Variants in MYBPC3 observed in about 807,000 individuals in gnomAD.
MYBPC3 encodes the protein myosin binding protein C3.
A neutral mutation model predicts 159.3 loss-of-function variants in MYBPC3; 108 were observed. The observed-to-expected ratio is 0.68, with a 90% CI of 0.58 to 0.80. MYBPC3 has a LOEUF of 0.80. Ranked by LOEUF, MYBPC3 falls within the 30% of genes least tolerant of loss-of-function variation. MYBPC3 has a pLI of 0.00. For synonymous variants in MYBPC3, 730 were observed against 702.0 expected, an observed-to-expected ratio of 1.04 and a Z score of -0.63; for missense variants, 1,631 against 1,762.1, an observed-to-expected ratio of 0.93 and a Z score of 1.33.
intron 5 of MYBPC3, 27 bp from the exon 6 acceptor site, chr11:47,348,568 A>AG: frequency 6.4e-7 from 1 of 1,552,626 alleles, no homozygotes; most frequent in Non-Finnish European, 8.8e-7. Flanking sequence ...ACGGGGCGTC[A>AG]GGGGACACCA....
rs1256242917 is a variant in MYBPC3, at chr11:47,346,656, G to T, written c.909-12C>A. 3.8e-6 allele frequency: 6 copies of T among 1,597,884 alleles called. No individual in the cohort carries two copies. The highest frequency in any genetic ancestry group is 5.1e-6 in the Non-Finnish European group (6 of 1,170,646). On this transcript the variant is annotated splice_polypyrimidine_tract_variant and intron_variant, in intron 10 of 34. Coordinates refer to ENST00000545968, the MANE Select transcript of MYBPC3 (RefSeq NM_000256.3). The surrounding 1 kb of genome is among the most constrained non-coding windows in gnomAD (Gnocchi z 5.3). ...GGGTCCGGAAACTGCTGCTCCAGGG[G>T]TGGGGGTGGGAGAAAGGGTAGGTGG...
At position 47,346,674 on chromosome 11, in the gene MYBPC3, G is replaced by A; in HGVS notation, c.909-30C>T. The A allele has an allele frequency of 6.3e-7, 1 of 1,596,030 alleles. No individual in the cohort carries two copies. Among genetic ancestry groups the A allele is most frequent in the Non-Finnish European group, 8.5e-7 (1 of 1,170,436 alleles). On this transcript the variant is annotated intron_variant, in intron 10 of 34. Transcript: ENST00000545968. This position sits in a 1 kb window ranked among gnomAD's most constrained non-coding sequence, Gnocchi z 5.3. The stretch of plus-strand genomic sequence containing the variant: ...TCCAGGGGTGGGGGTGGGAGAAAGG[G>A]TAGGTGGCACATGAGAGGTATGGCC...
chr11:47,340,601 A>G (rs2095887504), intron 20 of MYBPC3, among the ~76,000 whole-genome samples: 1 of 152,182 alleles, frequency 6.6e-6, no homozygotes, highest in Admixed American at 6.5e-5. Context: ...TGGGAGGCGG[A>G]GCTTGCAGTG....
At position 47,331,639 on chromosome 11, in the gene MYBPC3, CACAT is replaced by C. The variant is rs1318556469; in HGVS notation, c.*100_*103del. On this transcript the variant is annotated 3_prime_UTR_variant, in exon 35 of 35. Transcript: ENST00000545968. ...CGCAGCACAGGAGACACACTTGTCACACATACATCCAACAGTAGGGAGGGGTTTC... is the reference window on the plus strand; with the variant it reads ...CGCAGCACAGGAGACACACTTGTCACACATCCAACAGTAGGGAGGGGTTTC... 2 of 582,056 alleles carry C rather than the reference CACAT, an allele frequency of 3.4e-6. No individual in the cohort carries two copies. Among genetic ancestry groups the C allele is most frequent in the South Asian group, 2.2e-5 (1 of 46,376 alleles). The allele number at this position is 582,056 out of a possible 1,614,324, so 36.1% of individuals were successfully genotyped here.
rs201012766 is a variant in MYBPC3, at chr11:47,349,898, C to T, written c.530G>A (p.Arg177His). Residue 177 changes from arginine (R) to histidine (H), a missense_variant, in exon 5 of 35, where the codon CGC becomes CAC. Transcript: ENST00000545968. ...TVGGSITFSARVAGASLLKPP... is the reference protein window; with the variant it reads ...TVGGSITFSAHVAGASLLKPP... ...CTTCAGGAGGCTGGCGCCGGCCACG[C>T]GGGCTGAGAAGGTGATGCTGCCACC... 1,110 of 1,608,286 alleles carry T rather than the reference C, an allele frequency of 6.9e-4. 8 individuals carry two copies. In the African/African-American group the frequency reaches 0.013, roughly 19 times the overall value.
At chr11:47,343,182 C>T (rs2095890859) in intron 14 of MYBPC3, 37 bp from the exon 15 acceptor site, 9 of 1,601,212 alleles carry the variant, frequency 5.6e-6, no homozygotes, top group Non-Finnish European at 7.7e-6. Flanking sequence ...AGGAAAGCTG[C>T]GGACACCCCT....
At chr11:47,347,509 A>T (rs1282727777) in intron 8 of MYBPC3, 30 bp from the exon 9 acceptor site, 1 of 1,588,490 alleles carries the variant, frequency 6.3e-7, no homozygotes, top group African/African-American at 1.3e-5. Context: ...GTGAGGCTGC[A>T]GTGAGGGACT....
rs78327101 is a variant in MYBPC3 at position 47,351,659 on chromosome 11, A to T, written c.26-154T>A. 6.6e-6 allele frequency among the ~76,000 whole-genome samples: 1 copy of T among 152,112 alleles called. No individual in the cohort carries two copies. The highest frequency in any genetic ancestry group is 1.5e-5 in the Non-Finnish European group (1 of 68,028). ...TGAGGTAGTTGCAGTTATTCTGTTC[A>T]TTTCTCAGAGGAGGACACTGAGGCT... is the stretch of plus-strand genomic sequence containing the variant. On this transcript the variant is annotated intron_variant, in intron 1 of 34. Transcript: ENST00000545968. This position sits in a 1 kb window ranked among gnomAD's most constrained non-coding sequence, Gnocchi z 4.2.
chr11:47,347,782 G>A (rs2095895848), intron 7 of MYBPC3, 75 bp downstream of exon 7: 2 of 1,546,654 alleles, frequency 1.3e-6, no homozygotes, highest in East Asian at 4.9e-5. Context: ...CCCCAGCCCT[G>A]ACCCCCAGTC....
chr11:47,339,930 T>C, intron 20 of MYBPC3, 140 bp from the exon 21 acceptor site: 1 of 895,510 alleles, frequency 1.1e-6, no homozygotes, highest in East Asian at 2.6e-5. Flanking sequence ...TGCTCAGATC[T>C]GACAGTAGGC....
chr11:47,338,677 C>A lies in MYBPC3; in HGVS notation c.2151G>T (p.Leu717=). The A allele has an allele frequency of 2.5e-6, 4 of 1,609,684 alleles. No homozygotes were observed. The highest frequency in any genetic ancestry group is 3.4e-6 in the Non-Finnish European group (4 of 1,177,744). The change falls in exon 23 of 35, where the codon CTG becomes CTT. Residue 717 remains leucine, a splice_region_variant and synonymous_variant. Transcript: ENST00000545968. This position sits in a 1 kb window ranked among gnomAD's most constrained non-coding sequence, Gnocchi z 4.7. ...DSDEWVFDKK[L]LCETEGRVRV... is the part of the protein sequence containing the mutation. ...GGACCCGGCCCTCGGTCTCACACAG[C>A]AGCTGGGGGGGTGCAGAGTTGGGGT...
intron 7 of MYBPC3, 74 bp downstream of exon 7, chr11:47,347,783 A>AC (rs2095895850): frequency 5.8e-6 from 9 of 1,546,032 alleles, no homozygotes; most frequent in African/African-American, 1.4e-5. Flanking sequence ...CCCAGCCCTG[A>AC]CCCCCAGTCG....
Position 47,348,531 on chromosome 11 carries a change from A to G in MYBPC3, c.665T>C (p.Phe222Ser). Residue 222 changes from phenylalanine to serine, a missense_variant, in exon 6 of 35, where the codon TTC becomes TCC. By Grantham distance (155) the Phe-to-Ser change is radical. Coordinates refer to ENST00000545968, the MANE Select transcript of MYBPC3 (RefSeq NM_000256.3). Reference protein sequence around the residue: ...SYDRASKVYLFELHITDAQPA... With the variant: ...SYDRASKVYLSELHITDAQPA... Reference sequence around the variant, plus strand: ...CTGGGCATCGGTGATGTGCAGCTCGAACAGATAGACCTGTGTGCATGGAGG... The same window carrying G: ...CTGGGCATCGGTGATGTGCAGCTCGGACAGATAGACCTGTGTGCATGGAGG... The G allele has an allele frequency of 6.2e-7, 1 of 1,612,408 alleles. No homozygotes were observed. Among genetic ancestry groups the G allele is most frequent in the Non-Finnish European group, 8.5e-7 (1 of 1,179,150 alleles).
Position 47,352,618 on chromosome 11 carries a change from G to A in MYBPC3, c.25+5C>T, listed in dbSNP as rs2095901957. 3.8e-6 allele frequency: 6 copies of A among 1,599,506 alleles called. 1 individual carries two copies. In the East Asian group the frequency reaches 1.4e-4, roughly 37 times the overall value. On this transcript the variant is annotated splice_donor_5th_base_variant and intron_variant, in intron 1 of 34. Transcript: ENST00000545968. ...ACTTAGACCCAACCCCAGTCCTAAAGCTACCTGGCTTCTTCCCCGGCTCAG... is the reference window on the plus strand; with the variant it reads ...ACTTAGACCCAACCCCAGTCCTAAAACTACCTGGCTTCTTCCCCGGCTCAG...
chr11:47,350,069 G>T lies in MYBPC3; in HGVS notation c.450C>A (p.Pro150=). 6.4e-7 allele frequency: 1 copy of T among 1,561,618 alleles called. No homozygotes were observed. Among genetic ancestry groups the T allele is most frequent in the Non-Finnish European group, 8.7e-7 (1 of 1,152,522 alleles). Residue 150 remains proline (P), a synonymous_variant, in exon 4 of 35, where the codon CCC becomes CCA. Transcript: ENST00000545968. ...TCACGAAGAGGCCAATGGGGTCATC[G>T]GGGGCTCCAGGGGTAGGACCATTGA... ...AALNGPTPGA[P]DDPIGLFVMR...
At chr11:47,333,008 C>T in intron 30 of MYBPC3, 35 bp from the exon 31 acceptor site, 1 of 1,588,704 alleles carries the variant, frequency 6.3e-7, no homozygotes, top group African/African-American at 1.3e-5. Context: ...CATCTCTGGG[C>T]CAGGCCCTTC....
chr11:47,337,830 C>G, intron 23 of MYBPC3, 36 bp from the exon 24 acceptor site: 1 of 1,525,586 alleles, frequency 6.6e-7, no homozygotes, highest in Non-Finnish European at 8.9e-7. Flanking sequence ...TCAGCCCTGC[C>G]CCGCTCAGGG....
In MYBPC3 at chr11:47,331,850, C is replaced by CA. The variant is rs1433010810; in HGVS notation, c.*20dup. 1 of 1,607,300 alleles carries CA rather than the reference C, an allele frequency of 6.2e-7. No homozygotes were observed. The highest frequency in any genetic ancestry group is 8.5e-7 in the Non-Finnish European group (1 of 1,177,294). On this transcript the variant is annotated 3_prime_UTR_variant, in exon 34 of 35. Coordinates refer to ENST00000545968, the MANE Select transcript of MYBPC3 (RefSeq NM_000256.3). ...GGGTGTCGGGTGGTACATACCTGGC[C>CA]ATCCCCAGGAGCCAGCCTGGTCACT...
At chr11:47,340,183 A>G (rs896902915) in intron 20 of MYBPC3, among the ~76,000 whole-genome samples, 1 of 147,972 alleles carries the variant, frequency 6.8e-6, no homozygotes, top group African/African-American at 2.7e-5. Context: ...ACATGCACAC[A>G]CAGACACACA....
Sources: allele counts gnomAD v4.1 joint callset (sites outside exome capture counted in the v4.1 genomes callset), GRCh38; gene constraint gnomAD v4.1.1; non-coding constraint Gnocchi (gnomAD v3.1); transcripts MANE v1.5; gene names NCBI Gene and HGNC (gene_info 2026-07-23, HGNC 2026-07-21).